Variants in NIBAN1 observed in about 807,000 individuals in gnomAD.
NIBAN1 encodes the protein niban apoptosis regulator 1.
NIBAN1 carries 81 observed loss-of-function variants against 75.1 expected under a neutral mutation model. The observed-to-expected ratio is 1.08, with a 90% CI of 0.90 to 1.30. The LOEUF is 1.30. Ranked by LOEUF, NIBAN1 falls within the 50% of genes most tolerant of loss-of-function variation. NIBAN1 has a pLI of 0.00. For synonymous variants in NIBAN1, 436 were observed against 424.8 expected (o/e 1.03, Z -0.32); for missense variants, 1,133 against 1,128.1 (o/e 1.00, Z -0.06).
chr1:184,882,335 T>TG (rs1656398899), intron 5 of NIBAN1, among the ~76,000 whole-genome samples: 1 of 152,146 alleles, frequency 6.6e-6, no homozygotes, highest in Admixed American at 6.5e-5. Context: ...ACAATAAAGA[T>TG]GAGTGGTACA....
chr1:184,937,486 T>TA (rs1280872535), intron 1 of NIBAN1, among the ~76,000 whole-genome samples: 1 of 152,248 alleles, frequency 6.6e-6, no homozygotes, highest in Non-Finnish European at 1.5e-5. Flanking sequence ...ATTGTTTGTA[T>TA]ATTGCTTGGT....
intron 5 of NIBAN1, among the ~76,000 whole-genome samples, chr1:184,862,845 T>A (rs75753875): frequency 6.6e-6 from 1 of 151,886 alleles, no homozygotes; most frequent in East Asian, 1.9e-4. Flanking sequence ...TTTTTTTTTT[T>A]AATAACTTTT....
intron 6 of NIBAN1, among the ~76,000 whole-genome samples, chr1:184,825,664 T>TTGTG (rs1654824055): frequency 6.6e-6 from 1 of 152,270 alleles, no homozygotes; most frequent in African/African-American, 2.4e-5. Context: ...AGCAGTATTC[T>TTGTG]ACACATCCAC....
intron 1 of NIBAN1, among the ~76,000 whole-genome samples, chr1:184,959,259 A>G (rs1241759005): frequency 6.6e-6 from 1 of 152,198 alleles, no homozygotes; most frequent in Non-Finnish European, 1.5e-5. Flanking sequence ...TCCATGGAGA[A>G]TGTTGGTAGC....
At chr1:184,875,169 T>G (rs1286258230) in intron 5 of NIBAN1, among the ~76,000 whole-genome samples, 2 of 152,268 alleles carry the variant, frequency 1.3e-5, no homozygotes, top group Admixed American at 6.5e-5. Context: ...GAGAGAAATC[T>G]ATAGCATTTA....
chr1:184,949,128 C>T (rs1571597676), intron 1 of NIBAN1, among the ~76,000 whole-genome samples: 1 of 152,058 alleles, frequency 6.6e-6, no homozygotes, highest in East Asian at 1.9e-4. Context: ...CCGAGGCGGG[C>T]GGATCATGAG....
intron 1 of NIBAN1, among the ~76,000 whole-genome samples, chr1:184,920,707 C>T (rs1019600544): frequency 6.6e-6 from 1 of 151,954 alleles, no homozygotes; most frequent in African/African-American, 2.4e-5. Flanking sequence ...TTATAAAAGT[C>T]GAAGCAAACA....
chr1:184,801,954 G>A (rs1654057383), intron 12 of NIBAN1, among the ~76,000 whole-genome samples: 2 of 152,122 alleles, frequency 1.3e-5, no homozygotes, highest in South Asian at 4.2e-4. Flanking sequence ...CAATTAATTT[G>A]GTATCTCTGA....
At chr1:184,959,253 T>G (rs1466330837) in intron 1 of NIBAN1, among the ~76,000 whole-genome samples, 1 of 152,230 alleles carries the variant, frequency 6.6e-6, no homozygotes, top group Non-Finnish European at 1.5e-5. Context: ...CCCAACTCCA[T>G]GGAGAATGTT....
At chr1:184,801,803 TA>T (rs956082879) in intron 12 of NIBAN1, among the ~76,000 whole-genome samples, 1 of 152,246 alleles carries the variant, frequency 6.6e-6, no homozygotes, top group Non-Finnish European at 1.5e-5. Flanking sequence ...AGTAGACCTT[TA>T]AATTTTCAAC....
rs1658857121 is a variant in NIBAN1 at position 184,968,535 on chromosome 1, AG to A, written c.55+5766del. 2.6e-5 allele frequency among the ~76,000 whole-genome samples: 4 copies of A among 152,216 alleles called. No individual in the cohort carries two copies. In the South Asian group the frequency reaches 8.3e-4, roughly 32 times the overall value. ...GTTTCCTCCATCCCCACTACTCTGG[AG>A]GAGCTGCAATTTCTCACTTCTTACA... On this transcript the variant is annotated intron_variant, in intron 1 of 13. Transcript: ENST00000367511.
At chr1:184,941,164 A>G (rs1184121865) in intron 1 of NIBAN1, among the ~76,000 whole-genome samples, 1 of 152,222 alleles carries the variant, frequency 6.6e-6, no homozygotes, top group Non-Finnish European at 1.5e-5. Flanking sequence ...AAATTAAGGA[A>G]AGTAAACTAA....
intron 1 of NIBAN1, among the ~76,000 whole-genome samples, chr1:184,955,329 T>TTCCTTTCCTTTCCTC (rs1658458137): frequency 6.9e-6 from 1 of 144,210 alleles, no homozygotes; most frequent in East Asian, 2.0e-4. Context: ...TTCCTTTCCT[T>TTCCTTTCCTTTCCTC]TCCTTTCCTT....
At position 184,890,192 on chromosome 1, in the gene NIBAN1, GA is replaced by G; in HGVS notation, c.348del (p.Arg117GlufsTer10). 6.2e-7 allele frequency: 1 copy of G among 1,613,836 alleles called. No homozygotes were observed. The highest frequency in any genetic ancestry group is 8.5e-7 in the Non-Finnish European group (1 of 1,179,802). ...ACCTTGCCACCGGCTGGAAGAATTCGACATTTAGGAGCAGCTCCTCTCTGAT... is the reference window on the plus strand; with the variant it reads ...ACCTTGCCACCGGCTGGAAGAATTCGCATTTAGGAGCAGCTCCTCTCTGAT... ...EAYQRGAAPK[C>X]RILPAGGKVL... On this transcript the variant is annotated frameshift_variant, in exon 4 of 14. Transcript: ENST00000367511. LOFTEE classifies it high-confidence loss of function.
At chr1:184,966,001 G>C (rs1658777048) in intron 1 of NIBAN1, among the ~76,000 whole-genome samples, 2 of 152,214 alleles carry the variant, frequency 1.3e-5, no homozygotes, top group Non-Finnish European at 2.9e-5. Context: ...GAAATGTGTA[G>C]ATTAAAAGAG....
intron 1 of NIBAN1, among the ~76,000 whole-genome samples, chr1:184,953,287 A>G (rs1658404162): frequency 6.6e-6 from 1 of 152,212 alleles, no homozygotes. Context: ...CATTATCTGT[A>G]CTTGGGTGCT....
intron 2 of NIBAN1, among the ~76,000 whole-genome samples, chr1:184,895,069 T>C (rs1158467930): frequency 6.6e-6 from 1 of 152,200 alleles, no homozygotes; most frequent in African/African-American, 2.4e-5. Flanking sequence ...CAAGTAAAAT[T>C]TTAAATGAGC....
At position 184,974,380 on chromosome 1, in the gene NIBAN1, C is replaced by A. The variant is rs747685866; in HGVS notation, c.-24G>T. On this transcript the variant is annotated 5_prime_UTR_variant, in exon 1 of 14. Coordinates refer to ENST00000367511, the MANE Select transcript of NIBAN1 (RefSeq NM_052966.4). ...ATGACCGCGAGCTGCCTGTGCTGAG[C>A]GCGGAAACTGCCCGGTCCGCGCCCG... is the stretch of plus-strand genomic sequence containing the variant. The A allele has an allele frequency of 1.6e-4, 247 of 1,545,668 alleles. No individual in the cohort carries two copies. The highest frequency in any genetic ancestry group is 3.8e-4 in the South Asian group (32 of 84,388).
At chr1:184,868,121 G>T in intron 5 of NIBAN1, 1 of 894,154 alleles carries the variant, frequency 1.1e-6, no homozygotes, top group Non-Finnish European at 1.3e-6. Flanking sequence ...TGCTTTCATT[G>T]CTCCTTCCTA....
Sources: allele counts gnomAD v4.1 joint callset (sites outside exome capture counted in the v4.1 genomes callset), GRCh38; gene constraint gnomAD v4.1.1; transcripts MANE v1.5; gene names NCBI Gene and HGNC (gene_info 2026-07-23, HGNC 2026-07-21).